CEP70: variants seen among roughly 807,000 people sequenced by gnomAD.
CEP70 encodes centrosomal protein 70.
In CEP70, 70 loss-of-function variants were observed where a neutral mutation model predicts 90.9. That is an observed-to-expected ratio of 0.77 (90% confidence interval 0.64 to 0.94). The LOEUF (loss-of-function observed/expected upper bound fraction) is 0.94, where lower values mean the gene tolerates loss of function less well. Ranked by LOEUF, CEP70 falls within the 40% of genes least tolerant of loss-of-function variation. The pLI, the probability that CEP70 is intolerant of heterozygous loss-of-function variation, is 0.00. For synonymous variants in CEP70, 220 were observed against 228.3 expected (o/e 0.96, Z 0.33); for missense variants, 648 against 669.0 (o/e 0.97, Z 0.35).
At chr3:138,591,311 G>A (rs1410813795) in intron 2 of CEP70, among the ~76,000 whole-genome samples, 1 of 151,998 alleles carries the variant, frequency 6.6e-6, no homozygotes, top group Non-Finnish European at 1.5e-5. Context: ...TGAATTTTGT[G>A]TTTAGAGTTA....
At chr3:138,523,988 C>T (rs1429391290) in intron 11 of CEP70, among the ~76,000 whole-genome samples, 1 of 142,534 alleles carries the variant, frequency 7.0e-6, no homozygotes, top group African/African-American at 2.8e-5. Flanking sequence ...TACAAGGCTA[C>T]AGTAACCAAA....
intron 9 of CEP70, 23 bp from the exon 10 acceptor site, chr3:138,529,310 A>T (rs753801569): frequency 9.5e-6 from 15 of 1,575,652 alleles, no homozygotes; most frequent in Admixed American, 1.8e-5. Context: ...TCATAGAAAA[A>T]TAATTAACTT....
At chr3:138,580,230 C>T (rs990363069) in intron 2 of CEP70, among the ~76,000 whole-genome samples, 2 of 152,082 alleles carry the variant, frequency 1.3e-5, no homozygotes, top group Non-Finnish European at 2.9e-5. Flanking sequence ...ATTCTGATTC[C>T]AGGCCCTGGC....
At chr3:138,499,676 C>T (rs2034299793) in intron 16 of CEP70, among the ~76,000 whole-genome samples, 1 of 152,250 alleles carries the variant, frequency 6.6e-6, no homozygotes, top group South Asian at 2.1e-4. Context: ...GTAGCTCACA[C>T]CTGTAATCCC....
At chr3:138,581,726 A>G (rs1473812985) in intron 2 of CEP70, among the ~76,000 whole-genome samples, 3 of 151,376 alleles carry the variant, frequency 2.0e-5, no homozygotes, top group Non-Finnish European at 4.4e-5. Context: ...GAATAAGAAA[A>G]GAAAAAGGAA....
chr3:138,576,992 A>G (rs1028274594), intron 2 of CEP70, among the ~76,000 whole-genome samples: 8 of 152,262 alleles, frequency 5.3e-5, no homozygotes, highest in African/African-American at 1.7e-4. Flanking sequence ...TGGCACATAT[A>G]CACCATGGAA....
rs769473343 is a variant in CEP70, at chr3:138,500,173, C to A, written c.1589G>T (p.Arg530Met). ...CTCATTCACATCTTCATTAATCAGCCTACAGAGTTTTCCAACAGTGCTTAC... is the reference window on the plus strand; with the variant it reads ...CTCATTCACATCTTCATTAATCAGCATACAGAGTTTTCCAACAGTGCTTAC... ...VLVSTVGKLC[R>M]LINEDVNEQV... The change falls in exon 16 of 18, where the codon AGG (arginine) becomes ATG (methionine). Residue 530 changes from arginine (R) to methionine (M), a missense_variant. Transcript: ENST00000264982. 1 of 1,613,966 alleles carries A rather than the reference C, an allele frequency of 6.2e-7. No individual in the cohort carries two copies.
chr3:138,533,236 G>A (rs1005077678), intron 7 of CEP70, among the ~76,000 whole-genome samples: 2 of 150,466 alleles, frequency 1.3e-5, no homozygotes, highest in African/African-American at 2.4e-5. Flanking sequence ...AGTCAAGAGC[G>A]CACCACTGCA....
At position 138,571,285 on chromosome 3, in the gene CEP70, G is replaced by A; in HGVS notation, c.141C>T (p.Val47=). Residue 47 remains valine, a synonymous_variant, in exon 4 of 18, where the codon GTC becomes GTT. Transcript: ENST00000264982. ...MMHGLKPLSL[V]KRTDLKDLII... ...AATTACCTTTGAGATCTGTTCTTTT[G>A]ACTAGAGACAAAGGTTTTAAGCCAT... The A allele has an allele frequency of 6.2e-7, 1 of 1,609,108 alleles. No individual in the cohort carries two copies. Among genetic ancestry groups the A allele is most frequent in the Non-Finnish European group, 8.5e-7 (1 of 1,177,114 alleles).
At chr3:138,571,432 C>T in intron 3 of CEP70, 76 bp from the exon 4 acceptor site, 1 of 1,004,744 alleles carries the variant, frequency 1.0e-6, no homozygotes. Context: ...TAATTTCCTG[C>T]ATTTTCAGAA....
chr3:138,516,203 T>A (rs930617158), intron 11 of CEP70, among the ~76,000 whole-genome samples: 9 of 152,240 alleles, frequency 5.9e-5, no homozygotes, highest in Non-Finnish European at 1.2e-4. Flanking sequence ...GGACCTTTTC[T>A]ATTTTGTTTA....
chr3:138,569,688 CA>C (rs2041033631), intron 6 of CEP70, among the ~76,000 whole-genome samples: 1 of 151,980 alleles, frequency 6.6e-6, no homozygotes, highest in Non-Finnish European at 1.5e-5. Context: ...GGTAACATGG[CA>C]AAAGCCTGTC....
rs376965254 is a variant in CEP70 at position 138,558,609 on chromosome 3, A to G, written c.465+11709T>C. Among the ~76,000 whole-genome samples the G allele has an allele frequency of 1.1e-4, 17 of 152,288 alleles. No homozygotes were observed. The South Asian group carries it at 2.9e-3, about 26-fold the overall frequency. On this transcript the variant is annotated intron_variant, in intron 6 of 17. Coordinates refer to ENST00000264982, the MANE Select transcript of CEP70 (RefSeq NM_024491.4). ...AATAATGATGAACTAGAAATACACTAGTTTTCTTTGGGACTGAGGTATATT... is the reference window on the plus strand; with the variant it reads ...AATAATGATGAACTAGAAATACACTGGTTTTCTTTGGGACTGAGGTATATT...
At chr3:138,516,817 A>C (rs2036076243) in intron 11 of CEP70, among the ~76,000 whole-genome samples, 1 of 152,186 alleles carries the variant, frequency 6.6e-6, no homozygotes, top group Non-Finnish European at 1.5e-5. Flanking sequence ...AATACAACTG[A>C]CTTAATATAT....
chr3:138,504,971 G>C (rs2034847851), intron 13 of CEP70, among the ~76,000 whole-genome samples: 1 of 152,062 alleles, frequency 6.6e-6, no homozygotes. Context: ...GGCAGATGAA[G>C]GTAGAACAGG....
intron 11 of CEP70, among the ~76,000 whole-genome samples, chr3:138,520,934 G>A (rs999239292): frequency 2.6e-5 from 4 of 152,186 alleles, no homozygotes; most frequent in African/African-American, 7.2e-5. Context: ...TCAGCCTGCT[G>A]AGTGCCTGGG....
chr3:138,508,478 A>G lies in CEP70; in HGVS notation c.1011T>C (p.Tyr337=), dbSNP rs373053659. The change falls in exon 12 of 18, where the codon TAT becomes TAC. Residue 337 remains tyrosine (Y), a synonymous_variant. Coordinates refer to ENST00000264982, the MANE Select transcript of CEP70 (RefSeq NM_024491.4). ...GGTCAATTAGGGCCTGTTGCTGATT[A>G]TATTTGCTGGGCTCATCTTTCTTCT... is the stretch of plus-strand genomic sequence containing the variant. ...DTEKKDEPSK[Y]NQQQALIDQR... 18 of 1,612,834 alleles carry G rather than the reference A, an allele frequency of 1.1e-5. No homozygotes were observed. Among genetic ancestry groups the G allele is most frequent in the Non-Finnish European group, 1.4e-5 (17 of 1,179,104 alleles).
chr3:138,525,695 A>T (rs1310054473), intron 10 of CEP70, 131 bp from the exon 11 acceptor site: 4 of 369,750 alleles, frequency 1.1e-5, no homozygotes, highest in Non-Finnish European at 1.9e-5. Context: ...AAAATATTTC[A>T]TGACTGCTAA....
chr3:138,540,495 A>AG (rs1223724096), intron 6 of CEP70, among the ~76,000 whole-genome samples: 3 of 152,122 alleles, frequency 2.0e-5, no homozygotes, highest in African/African-American at 7.2e-5. Flanking sequence ...AAAAAAAAAA[A>AG]AAAGCTCAAT....
Sources: allele counts gnomAD v4.1 joint callset (sites outside exome capture counted in the v4.1 genomes callset), GRCh38; gene constraint gnomAD v4.1.1; transcripts MANE v1.5; gene names NCBI Gene and HGNC (gene_info 2026-07-23, HGNC 2026-07-21).